CALN1: variants seen among roughly 807,000 people sequenced by gnomAD.
The protein encoded by CALN1 is calneuron 1.
In CALN1, 17 loss-of-function variants were observed where a neutral mutation model predicts 30.6. The ratio of observed to expected loss-of-function variants is 0.56; its 90% CI spans 0.38 to 0.83. The LOEUF is 0.83. CALN1 is among the 40% of genes least tolerant of loss of function. CALN1 has a pLI of 0.00. For missense variants in CALN1, 291 were observed against 354.9 expected, an observed-to-expected ratio of 0.82 and a Z score of 1.45; for synonymous variants, 156 against 131.4, an observed-to-expected ratio of 1.19 and a Z score of -1.28.
At chr7:71,836,120 C>T (rs1789584172) in intron 5 of CALN1, among the ~76,000 whole-genome samples, 1 of 152,174 alleles carries the variant, frequency 6.6e-6, no homozygotes, top group Non-Finnish European at 1.5e-5. Context: ...TGAGACAGAC[C>T]TGACCCAATT....
At chr7:71,846,072 C>T (rs2116536567) in intron 5 of CALN1, among the ~76,000 whole-genome samples, 1 of 152,116 alleles carries the variant, frequency 6.6e-6, no homozygotes, top group South Asian at 2.1e-4. Flanking sequence ...AAAAGATTAA[C>T]ACTCTCCTCC....
At chr7:72,451,161 A>AAGG (rs1252829652), upstream of CALN1, among the ~76,000 whole-genome samples, 3 of 144,868 alleles carry the variant, frequency 2.1e-5, no homozygotes, top group East Asian at 2.1e-4. Context: ...GAAGAAGGAG[A>AAGG]AGGAGGAGGA....
At chr7:71,839,370 A>G (rs1331154657) in intron 5 of CALN1, among the ~76,000 whole-genome samples, 2 of 152,132 alleles carry the variant, frequency 1.3e-5, no homozygotes, top group African/African-American at 4.8e-5. Context: ...CATCTCTACT[A>G]TAAATACAAA....
the CALN1 span, among the ~76,000 whole-genome samples, chr7:72,503,102 T>C: frequency 2.6e-5 from 4 of 151,992 alleles, no homozygotes; most frequent in East Asian, 7.7e-4. Context: ...GCTGAGATCG[T>C]GCCACTGCAC....
At chr7:71,840,611 G>A (rs750462683) in intron 5 of CALN1, among the ~76,000 whole-genome samples, 1 of 151,964 alleles carries the variant, frequency 6.6e-6, no homozygotes, top group Non-Finnish European at 1.5e-5. Flanking sequence ...TATTAAATTC[G>A]GAGAGACCTG....
chr7:72,379,315 G>T (rs1225722061), intron 2 of CALN1, among the ~76,000 whole-genome samples: 1 of 152,080 alleles, frequency 6.6e-6, no homozygotes, highest in Non-Finnish European at 1.5e-5. Context: ...CATTTTCTCT[G>T]ATAATACAGT....
intron 5 of CALN1, among the ~76,000 whole-genome samples, chr7:71,960,639 C>T (rs768318841): frequency 5.9e-5 from 9 of 152,150 alleles, no homozygotes; most frequent in Non-Finnish European, 8.8e-5. Context: ...AACAAACATA[C>T]CAGTGCAAGT....
In CALN1 at chr7:72,291,651, G is replaced by A. The variant is rs1798484492; in HGVS notation, c.120-12841C>T. Among the ~76,000 whole-genome samples, 3 of 152,176 alleles carry A rather than the reference G, an allele frequency of 2.0e-5. No homozygotes were observed. The South Asian group carries it at 6.2e-4, about 32-fold the overall frequency. ...ATCACTGCTACTTTGCTGGGCCAGTGTGGAGACTGAGTCTAGCTCCCACCT... is the reference window on the plus strand; with the variant it reads ...ATCACTGCTACTTTGCTGGGCCAGTATGGAGACTGAGTCTAGCTCCCACCT... On this transcript the variant is annotated intron_variant, in intron 2 of 6. Coordinates refer to ENST00000395275, the MANE Select transcript of CALN1 (RefSeq NM_031468.4).
intron 3 of CALN1, among the ~76,000 whole-genome samples, chr7:72,228,356 G>A (rs1793834614): frequency 6.6e-6 from 1 of 151,612 alleles, no homozygotes; most frequent in Non-Finnish European, 1.5e-5. Context: ...TTAAATGTCT[G>A]GCTTCCCCAC....
chr7:71,790,949 C>A (rs1001334198), intron 6 of CALN1, among the ~76,000 whole-genome samples: 1 of 152,056 alleles, frequency 6.6e-6, no homozygotes, highest in East Asian at 1.9e-4. Flanking sequence ...AAGAAGACTG[C>A]GTAGCAAAAG....
At chr7:71,990,610 G>A (rs1041569002) in intron 5 of CALN1, among the ~76,000 whole-genome samples, 3 of 151,840 alleles carry the variant, frequency 2.0e-5, no homozygotes, top group South Asian at 4.2e-4. Context: ...GCATCACCAC[G>A]CCCGGCTAAG....
chr7:71,814,535 CAGCTATA>C (rs1788148095), intron 5 of CALN1, among the ~76,000 whole-genome samples: 1 of 152,000 alleles, frequency 6.6e-6, no homozygotes, highest in African/African-American at 2.4e-5. Context: ...CTATTATTTC[CAGCTATA>C]ATTGAGCCTT....
At chr7:72,405,907 G>C (rs2129562430) in intron 1 of CALN1, among the ~76,000 whole-genome samples, 1 of 152,290 alleles carries the variant, frequency 6.6e-6, no homozygotes, top group South Asian at 2.1e-4. Flanking sequence ...GTGGACATCA[G>C]AGCAAGGCAC....
chr7:71,863,920 T>A (rs1254516064), intron 5 of CALN1, among the ~76,000 whole-genome samples: 1 of 152,218 alleles, frequency 6.6e-6, no homozygotes, highest in Non-Finnish European at 1.5e-5. Flanking sequence ...GATGTCTGTA[T>A]CGAATAGGAA....
intron 3 of CALN1, among the ~76,000 whole-genome samples, chr7:72,270,694 G>C (rs377091460): frequency 1.3e-5 from 2 of 152,316 alleles, no homozygotes; most frequent in South Asian, 2.1e-4. Context: ...AGCATCGCTT[G>C]AGATCAGGAG....
the CALN1 span, among the ~76,000 whole-genome samples, chr7:72,478,913 G>C: frequency 8.8e-6 from 1 of 114,200 alleles, no homozygotes; most frequent in African/African-American, 5.0e-5. Context: ...ATGAAGTCTT[G>C]TTCTGTCACC....
intron 2 of CALN1, among the ~76,000 whole-genome samples, chr7:72,374,438 A>G (rs988727895): frequency 2.7e-5 from 4 of 150,532 alleles, no homozygotes; most frequent in African/African-American, 9.8e-5. Flanking sequence ...CTGAGGAAGG[A>G]GAATAGCTTG....
chr7:72,193,628 G>A (rs900329665), intron 3 of CALN1, among the ~76,000 whole-genome samples: 1 of 152,160 alleles, frequency 6.6e-6, no homozygotes, highest in Non-Finnish European at 1.5e-5. Flanking sequence ...TTACAAACCT[G>A]TTCAACATGC....
chr7:72,153,843 T>C (rs1437559545), intron 3 of CALN1, among the ~76,000 whole-genome samples: 6 of 152,204 alleles, frequency 3.9e-5, no homozygotes, highest in Non-Finnish European at 8.8e-5. Flanking sequence ...CTGCCTAGTA[T>C]CAGCCTGGGA....
Sources: allele counts gnomAD v4.1 joint callset (sites outside exome capture counted in the v4.1 genomes callset), GRCh38; gene constraint gnomAD v4.1.1; transcripts MANE v1.5; gene names NCBI Gene and HGNC (gene_info 2026-07-23, HGNC 2026-07-21).